GAK: variants seen among roughly 807,000 people sequenced by gnomAD.
GAK encodes cyclin-G-associated kinase.
In GAK, 79 loss-of-function variants were observed where a neutral mutation model predicts 143.9. That is an observed-to-expected ratio of 0.55 (90% CI 0.46 to 0.66). The LOEUF (loss-of-function observed/expected upper bound fraction) is 0.66. Among genes scored for constraint, GAK ranks in the 30% least tolerant of loss-of-function variants. The pLI is 0.00. For synonymous variants in GAK, 881 were observed against 765.5 expected (o/e 1.15, Z -2.49); for missense variants, 1,693 against 1,779.7 (o/e 0.95, Z 0.88).
intron 9 of GAK, among the ~76,000 whole-genome samples, chr4:891,249 C>T (rs577525260): frequency 1.2e-4 from 18 of 152,024 alleles, no homozygotes; most frequent in African/African-American, 4.3e-4. Flanking sequence ...GCGTGAGCCA[C>T]TGCACCCAGG....
At chr4:866,302 A>G in intron 22 of GAK, 62 bp downstream of exon 22, 1 of 1,522,914 alleles carries the variant, frequency 6.6e-7, no homozygotes, top group South Asian at 1.2e-5. Context: ...GTTTCCCACC[A>G]GAGGCTGCGG....
intron 1 of GAK, among the ~76,000 whole-genome samples, chr4:917,547 T>C (rs1212513812): frequency 2.0e-5 from 3 of 152,186 alleles, no homozygotes; most frequent in Non-Finnish European, 4.4e-5. Flanking sequence ...CATATACACA[T>C]ACAGTTAGTG....
chr4:911,641 A>G (rs1268990621), intron 4 of GAK, 32 bp downstream of exon 4: 1 of 1,508,348 alleles, frequency 6.6e-7, no homozygotes. Context: ...GCTGGGTTAG[A>G]TGGCACCAAG....
intron 13 of GAK, 121 bp from the exon 14 acceptor site, chr4:882,940 G>A (rs1208308692): frequency 7.1e-6 from 9 of 1,274,060 alleles, no homozygotes; most frequent in African/African-American, 2.9e-5. Context: ...ATGAACAGGC[G>A]TCCACCTGCG....
chr4:914,715 C>T (rs114664877), intron 1 of GAK, among the ~76,000 whole-genome samples: 2,684 of 123,642 alleles, frequency 0.022, 73 homozygotes, highest in East Asian at 0.091. Context: ...GCATACACGG[C>T]CCCCCGCACT....
At chr4:903,962 TCA>T (rs1720553313) in intron 5 of GAK, among the ~76,000 whole-genome samples, 1 of 152,254 alleles carries the variant, frequency 6.6e-6, no homozygotes, top group African/African-American at 2.4e-5. Flanking sequence ...CTAATTTTCT[TCA>T]GGGCTGGAAA....
intron 18 of GAK, chr4:872,270 C>G (rs552447970): frequency 6.6e-6 from 1 of 152,300 alleles, no homozygotes; most frequent in Non-Finnish European, 1.5e-5. Flanking sequence ...GCCAACCTCA[C>G]GCAGAGCAGC....
At chr4:910,271 G>C (rs1721811197) in intron 4 of GAK, among the ~76,000 whole-genome samples, 1 of 151,978 alleles carries the variant, frequency 6.6e-6, no homozygotes, top group African/African-American at 2.4e-5. Flanking sequence ...GCTCAGCACA[G>C]GGACACCTAC....
chr4:850,437 G>C (rs890080439), intron 26 of GAK: 14 of 225,100 alleles, frequency 6.2e-5, no homozygotes, highest in Non-Finnish European at 9.6e-5. Flanking sequence ...GGTCACAGGC[G>C]CATGTGGCCT....
chr4:881,156 A>G (rs1294835525), intron 15 of GAK, among the ~76,000 whole-genome samples: 1 of 152,160 alleles, frequency 6.6e-6, no homozygotes, highest in African/African-American at 2.4e-5. Context: ...GGGGATAAAG[A>G]ATGGGGAGTC....
intron 5 of GAK, among the ~76,000 whole-genome samples, chr4:903,702 G>A (rs1017258733): frequency 6.0e-5 from 8 of 132,508 alleles, no homozygotes; most frequent in Admixed American, 1.4e-4. Context: ...CACCACCGGG[G>A]GGCGGTGGGG....
chr4:909,922 C>T (rs1478431416), intron 4 of GAK, among the ~76,000 whole-genome samples: 2 of 152,124 alleles, frequency 1.3e-5, no homozygotes, highest in African/African-American at 2.4e-5. Context: ...AGCCTGCAGG[C>T]GGCTCTGACC....
At chr4:902,596 C>CAAAAAAAAAAAA (rs768017849) in intron 5 of GAK, among the ~76,000 whole-genome samples, 15,058 of 59,390 alleles carry the variant, frequency 0.25, 2,379 homozygotes, top group Non-Finnish European at 0.28. Context: ...GTGACTGACT[C>CAAAAAAAAAAAA]AAAAAAAAAA....
At chr4:898,547 A>T (rs1014343204) in intron 5 of GAK, among the ~76,000 whole-genome samples, 1 of 152,266 alleles carries the variant, frequency 6.6e-6, no homozygotes, top group Non-Finnish European at 1.5e-5. Flanking sequence ...CATAAATCAA[A>T]GAAAGATAAT....
rs1305109103 is a variant in GAK at position 866,430 on chromosome 4, G to A, written c.2977C>T (p.Pro993Ser). 1.9e-6 allele frequency: 3 copies of A among 1,614,118 alleles called. No homozygotes were observed. Among genetic ancestry groups the A allele is most frequent in the Admixed American group, 3.3e-5 (2 of 60,020 alleles). The change falls in exon 22 of 28, where the codon CCA becomes TCA. Residue 993 changes from proline (P) to serine (S), a missense_variant. Physicochemically the swap from Pro to Ser is moderately conservative, Grantham distance 74. Transcript: ENST00000314167. ...CTGTGGGCAGACGGGAAGGATGGTG[G>A]GACGGTCACAGAGTCCGAATTGAGA... The part of the protein sequence containing the change: ...EFLNSDSVTV[P>S]PSFPSAHSAP...
At position 885,342 on chromosome 4, in the gene GAK, G is replaced by A. The variant is rs541542529; in HGVS notation, c.1206-1256C>T. ...TGTAATCTCAGCACTTTGGGAGGCC[G>A]AGGCAGAGAGATCACCTGAGGTTGG... On this transcript the variant is annotated intron_variant, in intron 11 of 27. Coordinates refer to ENST00000314167, the MANE Select transcript of GAK (RefSeq NM_005255.4). 4.1e-4 allele frequency among the ~76,000 whole-genome samples: 62 copies of A among 152,320 alleles called. 1 individual carries two copies. In the South Asian group the frequency reaches 5.0e-3, roughly 12 times the overall value.
In GAK at chr4:851,137, A is replaced by G. The variant is rs1748068746; in HGVS notation, c.3509-53T>C. 6.0e-6 allele frequency: 9 copies of G among 1,504,888 alleles called. No individual in the cohort carries two copies. The South Asian group carries it at 1.0e-4, about 17-fold the overall frequency. 93.2% of individuals were successfully genotyped at this position (1,504,888 alleles called of 1,614,324 possible). On this transcript the variant is annotated intron_variant, in intron 25 of 27. Coordinates refer to ENST00000314167, the MANE Select transcript of GAK (RefSeq NM_005255.4). Reference sequence around the variant, plus strand: ...TTTGAGACAGGGTCTCCACTCTGTCACCCAGGCCAGAGTGCAATGGCGTGA... The same window carrying G: ...TTTGAGACAGGGTCTCCACTCTGTCGCCCAGGCCAGAGTGCAATGGCGTGA...
intron 2 of GAK, 108 bp from the exon 3 acceptor site, chr4:912,902 T>A: frequency 1.2e-6 from 1 of 836,354 alleles, no homozygotes; most frequent in Non-Finnish European, 1.9e-6. Context: ...GCAATGTGTC[T>A]AATACAGCTC....
intron 20 of GAK, 85 bp from the exon 21 acceptor site, chr4:867,517 TCGGCCCAGGGCC>T (rs1751433149): frequency 6.1e-6 from 5 of 814,702 alleles, no homozygotes; most frequent in South Asian, 1.9e-5. Context: ...CAGGGCCTCC[TCGGCCCAGGGCC>T]TTGGTGAACA....
Sources: gnomAD v4.1 joint callset for allele counts (sites outside exome capture counted in the v4.1 genomes callset) on GRCh38, gnomAD v4.1.1 for gene constraint, MANE v1.5 for transcripts, NCBI Gene and HGNC (gene_info 2026-07-23, HGNC 2026-07-21) for gene names.